RBFOX1: variants seen among roughly 807,000 people sequenced by gnomAD.
RBFOX1 encodes RNA binding protein fox-1 homolog 1.
A neutral mutation model predicts 57.7 loss-of-function variants in RBFOX1; 8 were observed. The ratio of observed to expected loss-of-function variants is 0.14; its 90% confidence interval spans 0.08 to 0.25. The LOEUF (loss-of-function observed/expected upper bound fraction) is 0.25, where lower values mean the gene tolerates loss of function less well. RBFOX1 is among the 10% of genes least tolerant of loss of function. The pLI, the probability that RBFOX1 is intolerant of heterozygous loss-of-function variation, is 1.00. For synonymous variants in RBFOX1, 326 were observed against 222.4 expected (o/e 1.47, Z -4.15); for missense variants, 611 against 548.5 (o/e 1.11, Z -1.14).
intron 4 of RBFOX1, among the ~76,000 whole-genome samples, chr16:7,142,771 C>T (rs1271723952): frequency 3.3e-5 from 5 of 152,116 alleles, no homozygotes; most frequent in African/African-American, 7.2e-5. Flanking sequence ...ATTCCCAATG[C>T]CTTACACCGT....
intron 4 of RBFOX1, among the ~76,000 whole-genome samples, chr16:7,398,987 T>C (rs1393202918): frequency 6.6e-6 from 1 of 152,186 alleles, no homozygotes; most frequent in East Asian, 1.9e-4. Context: ...TGTCAAGGTG[T>C]CAACGGAAAT....
Position 7,225,941 on chromosome 16 carries a change from G to C in RBFOX1, c.27+173843G>C, listed in dbSNP as rs1289536713. On this transcript the variant is annotated intron_variant, in intron 4 of 15. Transcript: ENST00000550418. ...ATATAAATGTGAATGTCATGTTTCT[G>C]AGATGGGTGTCAGGAATAGCTGAAT... Among the ~76,000 whole-genome samples the C allele has an allele frequency of 3.0e-5, 4 of 133,822 alleles. No individual in the cohort carries two copies. In the East Asian group the frequency reaches 7.9e-4, roughly 27 times the overall value. The allele number at this position is 133,822 out of a possible 152,430, so 87.8% of individuals were successfully genotyped here.
chr16:7,433,787 C>G (rs552518717), intron 4 of RBFOX1, among the ~76,000 whole-genome samples: 3 of 152,228 alleles, frequency 2.0e-5, no homozygotes, highest in Admixed American at 2.0e-4. Context: ...TCCAGCCAGC[C>G]AGCCAGACAG....
chr16:5,304,896 A>C (rs534536562), intron 1 of RBFOX1, among the ~76,000 whole-genome samples: 28 of 152,322 alleles, frequency 1.8e-4, no homozygotes, highest in Admixed American at 5.9e-4. Context: ...TTCCCTGCGA[A>C]TTTGAACCTC....
chr16:5,990,845 A>ACG (rs1172961378), intron 4 of RBFOX1, among the ~76,000 whole-genome samples: 3 of 152,090 alleles, frequency 2.0e-5, no homozygotes. Flanking sequence ...GTGGTGGTGC[A>ACG]CGCCTGTAGT....
chr16:6,397,968 C>T (rs9940727), intron 2 of RBFOX1, among the ~76,000 whole-genome samples: 16,739 of 152,154 alleles, frequency 0.11, 2,071 homozygotes, highest in African/African-American at 0.31. Flanking sequence ...AGAGAAACAA[C>T]GGCATAACAA....
At position 7,350,370 on chromosome 16, in the gene RBFOX1, C is replaced by T. The variant is rs116339076; in HGVS notation, c.28-167777C>T. 6.3e-3 allele frequency among the ~76,000 whole-genome samples: 963 copies of T among 152,188 alleles called. 12 individuals carry two copies. Among genetic ancestry groups the T allele is most frequent in the African/African-American group, 0.022 (903 of 41,526 alleles). ...CCGGATGGTCAGTATGGCTGTGACA[C>T]AGTGGGTAAAGAGGGAGGATGAAAA... On this transcript the variant is annotated intron_variant, in intron 4 of 15. Transcript: ENST00000550418.
chr16:7,021,091 G>A (rs1040123406), intron 3 of RBFOX1, among the ~76,000 whole-genome samples: 10 of 152,126 alleles, frequency 6.6e-5, no homozygotes, highest in African/African-American at 2.4e-4. Flanking sequence ...TCGTGCTACT[G>A]CACTCCAGCA....
intron 4 of RBFOX1, among the ~76,000 whole-genome samples, chr16:7,075,875 C>T (rs146224180): frequency 0.015 from 2,320 of 152,022 alleles, 60 homozygotes; most frequent in African/African-American, 0.053. Context: ...CCACCGCGCC[C>T]GGCCTGGGCT....
intron 3 of RBFOX1, among the ~76,000 whole-genome samples, chr16:7,041,502 T>C (rs1234896391): frequency 1.3e-5 from 2 of 152,198 alleles, no homozygotes; most frequent in Non-Finnish European, 2.9e-5. Context: ...TGACAAGCGC[T>C]GTCCTTACTT....
intron 3 of RBFOX1, among the ~76,000 whole-genome samples, chr16:6,903,381 C>G (rs1006064624): frequency 1.3e-4 from 20 of 152,176 alleles, no homozygotes; most frequent in African/African-American, 4.8e-4. Context: ...TGCACAGATT[C>G]TAACATAGAG....
At chr16:6,595,360 G>A (rs896032889) in intron 2 of RBFOX1, among the ~76,000 whole-genome samples, 106 of 152,186 alleles carry the variant, frequency 7.0e-4, no homozygotes, top group African/African-American at 1.9e-3. Flanking sequence ...TGTTTTCAAG[G>A]GCCATCAATG....
chr16:6,693,426 A>T (rs967642560), intron 3 of RBFOX1, among the ~76,000 whole-genome samples: 2 of 151,136 alleles, frequency 1.3e-5, no homozygotes, highest in African/African-American at 4.9e-5. Flanking sequence ...CACTATCATT[A>T]TCAACATCCT....
intron 1 of RBFOX1, among the ~76,000 whole-genome samples, chr16:6,136,786 A>T (rs540991914): frequency 1.1e-4 from 16 of 152,194 alleles, no homozygotes; most frequent in African/African-American, 1.4e-4. Flanking sequence ...TTCCATACAC[A>T]GAGAAGTACT....
chr16:6,977,887 A>T (rs1378768724), intron 3 of RBFOX1, among the ~76,000 whole-genome samples: 1 of 144,094 alleles, frequency 6.9e-6, no homozygotes, highest in Non-Finnish European at 1.5e-5. Flanking sequence ...AGCTGAGGGG[A>T]CTCTCTAGGG....
In RBFOX1 at chr16:6,777,072, TG is replaced by T. The variant is rs527970001; in HGVS notation, c.-16+122423del. 6.3e-3 allele frequency among the ~76,000 whole-genome samples: 963 copies of T among 152,290 alleles called. 11 individuals are homozygous for T. The highest frequency in any genetic ancestry group is 0.022 in the African/African-American group (899 of 41,556). ...AAGCTACCTGAGGGCAGGGATTCTG[TG>T]TTAACCGTGTTGTATACTCAATTTA... On this transcript the variant is annotated intron_variant, in intron 3 of 15. Coordinates refer to ENST00000550418, the MANE Select transcript of RBFOX1 (RefSeq NM_018723.4).
At chr16:5,403,755 A>T (rs774638067) in intron 1 of RBFOX1, among the ~76,000 whole-genome samples, 46 of 152,082 alleles carry the variant, frequency 3.0e-4, no homozygotes, top group Non-Finnish European at 6.0e-4. Flanking sequence ...CAATGCTCTG[A>T]TGTCTTCTAT....
chr16:7,592,894 C>G (rs2094516172), intron 7 of RBFOX1, among the ~76,000 whole-genome samples: 1 of 152,040 alleles, frequency 6.6e-6, no homozygotes, highest in Non-Finnish European at 1.5e-5. Flanking sequence ...TCACTGTAGC[C>G]TCAACCTCCT....
chr16:7,315,621 T>C (rs2096419915), intron 4 of RBFOX1, among the ~76,000 whole-genome samples: 2 of 149,278 alleles, frequency 1.3e-5, no homozygotes, highest in South Asian at 2.1e-4. Flanking sequence ...TAGTCTTTTA[T>C]AGCCTTCCTG....
Sources: gnomAD v4.1 joint callset for allele counts (sites outside exome capture counted in the v4.1 genomes callset) on GRCh38, gnomAD v4.1.1 for gene constraint, MANE v1.5 for transcripts, NCBI Gene and HGNC (gene_info 2026-07-23, HGNC 2026-07-21) for gene names.